GPHN: variants seen among roughly 807,000 people sequenced by gnomAD.
GPHN encodes gephyrin.
GPHN carries 17 observed loss-of-function variants against 95.5 expected under a neutral mutation model. The observed-to-expected ratio is 0.18, with a 90% confidence interval of 0.12 to 0.27. The LOEUF (loss-of-function observed/expected upper bound fraction) is 0.27, where lower values mean the gene tolerates loss of function less well. GPHN is among the 10% of genes least tolerant of loss of function. GPHN has a pLI of 1.00. For synonymous variants in GPHN, 320 were observed against 322.5 expected (o/e 0.99, Z 0.08); for missense variants, 660 against 978.1 (o/e 0.67, Z 4.34).
the GPHN span, among the ~76,000 whole-genome samples, chr14:67,351,567 G>A: frequency 6.6e-6 from 1 of 152,230 alleles, no homozygotes; most frequent in African/African-American, 2.4e-5. Flanking sequence ...AGAGTACAGT[G>A]GTGTAATCAT....
intron 1 of GPHN, among the ~76,000 whole-genome samples, chr14:66,511,772 A>G (rs961341791): frequency 2.0e-5 from 3 of 151,986 alleles, no homozygotes; most frequent in African/African-American, 7.2e-5. Flanking sequence ...TTGCTTCATT[A>G]TTTTGAATTA....
In GPHN at chr14:66,594,995, A is replaced by G. The variant is rs116790371; in HGVS notation, c.65-86112A>G. On this transcript the variant is annotated intron_variant, in intron 1 of 22. Coordinates refer to ENST00000478722, the MANE Select transcript of GPHN (RefSeq NM_020806.5). ...ATATAAAAACATGCAAAGGACCTATATAAACATTTTTGAAAATAAGACATA... is the reference window on the plus strand; with the variant it reads ...ATATAAAAACATGCAAAGGACCTATGTAAACATTTTTGAAAATAAGACATA... Among the ~76,000 whole-genome samples, 1,205 of 152,338 alleles carry G rather than the reference A, an allele frequency of 7.9e-3. 9 individuals carry two copies. The highest frequency in any genetic ancestry group is 0.028 in the African/African-American group (1,149 of 41,576).
intron 3 of GPHN, among the ~76,000 whole-genome samples, chr14:66,780,848 T>C (rs953584553): frequency 6.6e-6 from 1 of 152,354 alleles, no homozygotes; most frequent in East Asian, 1.9e-4. Context: ...ACGGATGTAA[T>C]GTTCATTTCA....
intron 1 of GPHN, among the ~76,000 whole-genome samples, chr14:66,664,090 GA>G (rs1212410589): frequency 6.6e-6 from 1 of 152,100 alleles, no homozygotes; most frequent in Non-Finnish European, 1.5e-5. Flanking sequence ...AATTAACAAA[GA>G]TATTCAGGAT....
chr14:67,519,377 G>A, the GPHN span, among the ~76,000 whole-genome samples: 1 of 152,250 alleles, frequency 6.6e-6, no homozygotes. Context: ...GGGAATCCAG[G>A]TAATGGGAAG....
At chr14:67,418,708 C>T in the GPHN span, among the ~76,000 whole-genome samples, 1 of 152,050 alleles carries the variant, frequency 6.6e-6, no homozygotes, top group East Asian at 1.9e-4. Context: ...ATACTGTCAC[C>T]ACCATGGAAG....
At chr14:67,359,959 C>G in the GPHN span, 1 of 548,102 alleles carries the variant, frequency 1.8e-6, no homozygotes, top group Non-Finnish European at 3.2e-6. Flanking sequence ...AATTCCGGTT[C>G]GCCTCCCAAC....
the GPHN span, chr14:67,656,737 T>G: frequency 1.1e-6 from 1 of 900,854 alleles, no homozygotes. Context: ...AGCTAATGAT[T>G]CTTTTCAAGG....
chr14:66,590,585 C>G (rs963953006), intron 1 of GPHN, among the ~76,000 whole-genome samples: 1 of 152,004 alleles, frequency 6.6e-6, no homozygotes, highest in Non-Finnish European at 1.5e-5. Flanking sequence ...ACGCATACAC[C>G]CTCCCAAGAC....
At chr14:67,514,962 G>GTCGCCCA in the GPHN span, 1 of 135,420 alleles carries the variant, frequency 7.4e-6, no homozygotes, top group Non-Finnish European at 1.7e-5. Flanking sequence ...CCCCAAGTCC[G>GTCGCCCA]GTCGCCCAGT....
chr14:67,708,607 A>C, the GPHN span, among the ~76,000 whole-genome samples: 114 of 152,312 alleles, frequency 7.5e-4, no homozygotes, highest in African/African-American at 2.6e-3. Context: ...GATAATGTAC[A>C]CTAAGTCATA....
chr14:67,138,331 G>C (rs531524941), intron 17 of GPHN, among the ~76,000 whole-genome samples: 2 of 152,234 alleles, frequency 1.3e-5, no homozygotes, highest in Admixed American at 1.3e-4. Context: ...GGGAAGTTCT[G>C]TCTTAAATAT....
At chr14:67,456,121 C>G in the GPHN span, among the ~76,000 whole-genome samples, 2 of 152,010 alleles carry the variant, frequency 1.3e-5, no homozygotes, top group East Asian at 3.9e-4. Flanking sequence ...AATTAACAAA[C>G]AAAAAACCAA....
intron 10 of GPHN, among the ~76,000 whole-genome samples, chr14:67,032,404 T>C (rs929713984): frequency 2.0e-5 from 3 of 152,010 alleles, no homozygotes; most frequent in African/African-American, 7.3e-5. Flanking sequence ...AGTGCCCAAT[T>C]CTTGACTTTT....
chr14:66,961,539 A>G (rs1278046094), intron 8 of GPHN, among the ~76,000 whole-genome samples: 3 of 151,928 alleles, frequency 2.0e-5, no homozygotes, highest in Non-Finnish European at 4.4e-5. Context: ...GTTATCCAGA[A>G]TAAATACTAA....
chr14:66,834,664 T>C (rs1168095093), intron 4 of GPHN, among the ~76,000 whole-genome samples: 3 of 151,872 alleles, frequency 2.0e-5, no homozygotes, highest in East Asian at 1.9e-4. Context: ...TGCCAGTATT[T>C]TATTGAGGAT....
the GPHN span, among the ~76,000 whole-genome samples, chr14:67,468,853 C>T: frequency 2.6e-5 from 4 of 152,024 alleles, no homozygotes; most frequent in East Asian, 7.7e-4. Flanking sequence ...TGGGATTGCA[C>T]CACTGCACTC....
chr14:67,221,917 T>G, the GPHN span: 1 of 1,345,020 alleles, frequency 7.4e-7, no homozygotes, highest in Non-Finnish European at 1.0e-6. Flanking sequence ...CAGCTAGACT[T>G]TTTGATGCAT....
the GPHN span, among the ~76,000 whole-genome samples, chr14:67,673,858 C>G: frequency 6.6e-6 from 1 of 152,096 alleles, no homozygotes; most frequent in Non-Finnish European, 1.5e-5. Flanking sequence ...TAAAAACGTT[C>G]AAAACAAGAC....
Sources: allele counts gnomAD v4.1 joint callset (sites outside exome capture counted in the v4.1 genomes callset), GRCh38; gene constraint gnomAD v4.1.1; transcripts MANE v1.5; gene names NCBI Gene and HGNC (gene_info 2026-07-23, HGNC 2026-07-21).